Variants in NFIB observed in about 807,000 individuals in gnomAD.
The protein encoded by NFIB is nuclear factor I B, also known as nuclear factor 1 B-type.
Under a neutral mutation model 61.5 loss-of-function variants are expected in NFIB, and 11 were observed. That is an observed-to-expected ratio of 0.18 (90% CI 0.11 to 0.30). The LOEUF is 0.30. Ranked by LOEUF, NFIB falls within the 10% of genes least tolerant of loss-of-function variation. The pLI, the probability that NFIB is intolerant of heterozygous loss-of-function variation, is 1.00. For missense variants in NFIB, 471 were observed against 608.9 expected (o/e 0.77, Z 2.38); for synonymous variants, 260 against 216.5 (o/e 1.20, Z -1.76).
At chr9:14,185,095 T>TAG (rs1375621032) in intron 2 of NFIB, among the ~76,000 whole-genome samples, 30 of 152,292 alleles carry the variant, frequency 2.0e-4, no homozygotes, top group Admixed American at 5.2e-4. Context: ...AAAAAAAGTA[T>TAG]ACTCTATGCC....
chr9:14,306,829 G>T (rs1482712897), intron 2 of NFIB, among the ~76,000 whole-genome samples, 160 bp downstream of exon 2: 1 of 152,132 alleles, frequency 6.6e-6, no homozygotes, highest in Non-Finnish European at 1.5e-5. Context: ...CTCGCACATG[G>T]CAGCGGACAT....
intron 1 of NFIB, among the ~76,000 whole-genome samples, chr9:14,377,108 G>A (rs1210127022): frequency 2.0e-5 from 3 of 152,188 alleles, no homozygotes; most frequent in Non-Finnish European, 4.4e-5. Context: ...TATTATTGAA[G>A]AGATATACTC....
chr9:14,339,290 T>G (rs906512937), intron 1 of NFIB, among the ~76,000 whole-genome samples: 2 of 152,210 alleles, frequency 1.3e-5, no homozygotes, highest in Non-Finnish European at 2.9e-5. Context: ...TTGCTGTGAT[T>G]ATTATTGTTG....
chr9:14,135,153 T>C (rs2040895707), intron 6 of NFIB, among the ~76,000 whole-genome samples: 1 of 152,146 alleles, frequency 6.6e-6, no homozygotes. Context: ...TTCTTCATAT[T>C]TGAAAGTTTG....
chr9:14,348,597 G>C (rs1487861066), intron 1 of NFIB, among the ~76,000 whole-genome samples: 1 of 152,258 alleles, frequency 6.6e-6, no homozygotes, highest in African/African-American at 2.4e-5. Context: ...CAGCGCCCGG[G>C]TGAAACTACC....
chr9:14,322,537 G>C (rs941983908), intron 1 of NFIB, among the ~76,000 whole-genome samples: 16 of 152,086 alleles, frequency 1.1e-4, no homozygotes, highest in African/African-American at 3.9e-4. Flanking sequence ...CGCTCCTCCT[G>C]CAGTCGCCTC....
At chr9:14,427,944 T>TTTTTTTTTTTG in the NFIB span, among the ~76,000 whole-genome samples, 3 of 83,182 alleles carry the variant, frequency 3.6e-5, no homozygotes, top group Admixed American at 1.2e-4. Context: ...GTTGTTTTTT[T>TTTTTTTTTTTG]TTTTTTTTTT....
At chr9:14,102,603 G>A in intron 10 of NFIB, 2 of 804,186 alleles carry the variant, frequency 2.5e-6, no homozygotes, top group Non-Finnish European at 3.5e-6. Flanking sequence ...ACTGTACATG[G>A]CATTAACCTT....
chr9:14,341,350 T>A (rs971865487), intron 1 of NFIB, among the ~76,000 whole-genome samples: 3 of 152,164 alleles, frequency 2.0e-5, no homozygotes, highest in African/African-American at 7.2e-5. Flanking sequence ...CCAGGAAGGA[T>A]GGACAGCTCT....
At chr9:14,098,236 G>T (rs1439276612) in intron 10 of NFIB, among the ~76,000 whole-genome samples, 1 of 152,110 alleles carries the variant, frequency 6.6e-6, no homozygotes, top group East Asian at 1.9e-4. Flanking sequence ...ACACGCGCAT[G>T]TTTATTTTAG....
At chr9:14,244,625 C>G (rs1298339184) in intron 2 of NFIB, among the ~76,000 whole-genome samples, 1 of 152,164 alleles carries the variant, frequency 6.6e-6, no homozygotes, top group Non-Finnish European at 1.5e-5. Flanking sequence ...AAACCATGCC[C>G]AGTTCCAATA....
At chr9:14,377,040 C>T (rs551730965) in intron 1 of NFIB, among the ~76,000 whole-genome samples, 1 of 152,118 alleles carries the variant, frequency 6.6e-6, no homozygotes, top group African/African-American at 2.4e-5. Flanking sequence ...TCACCTTTCA[C>T]CCCAAATTCT....
chr9:14,242,035 C>T (rs1226363063), intron 2 of NFIB, among the ~76,000 whole-genome samples: 2 of 152,052 alleles, frequency 1.3e-5, no homozygotes, highest in Non-Finnish European at 2.9e-5. Context: ...AAAAAAAATT[C>T]CAGAAGTTAA....
At chr9:14,425,723 G>C in the NFIB span, among the ~76,000 whole-genome samples, 1 of 150,800 alleles carries the variant, frequency 6.6e-6, no homozygotes, top group Non-Finnish European at 1.5e-5. Context: ...CCAGAAGTGT[G>C]GTACTGTGAT....
chr9:14,479,909 G>T, the NFIB span, among the ~76,000 whole-genome samples: 6 of 152,126 alleles, frequency 3.9e-5, no homozygotes, highest in South Asian at 1.2e-3. Context: ...GCAGTGATGG[G>T]TTGCACAACC....
intron 9 of NFIB, among the ~76,000 whole-genome samples, chr9:14,113,537 G>A (rs1260115401): frequency 6.6e-6 from 1 of 152,194 alleles, no homozygotes; most frequent in African/African-American, 2.4e-5. Context: ...TTAAGCAGAT[G>A]TTCTTAATGA....
intron 2 of NFIB, among the ~76,000 whole-genome samples, chr9:14,248,727 C>A (rs1028679146): frequency 6.6e-6 from 1 of 152,162 alleles, no homozygotes; most frequent in Non-Finnish European, 1.5e-5. Context: ...GAAGAAAGCA[C>A]CAGTTCAGCA....
intron 1 of NFIB, among the ~76,000 whole-genome samples, chr9:14,334,315 T>G (rs1355746777): frequency 6.6e-6 from 1 of 152,226 alleles, no homozygotes. Context: ...GTGGATGTAG[T>G]AATTTATACT....
chr9:14,094,006 A>G (rs1449787414), intron 10 of NFIB, among the ~76,000 whole-genome samples: 1 of 152,122 alleles, frequency 6.6e-6, no homozygotes, highest in Admixed American at 6.6e-5. Flanking sequence ...TTTAATCCTC[A>G]TAACAAATCT....
Sources: gnomAD v4.1 joint callset for allele counts (sites outside exome capture counted in the v4.1 genomes callset) on GRCh38, gnomAD v4.1.1 for gene constraint, MANE v1.5 for transcripts, NCBI Gene and HGNC (gene_info 2026-07-23, HGNC 2026-07-21) for gene names.